TAFA1: variants seen among roughly 807,000 people sequenced by gnomAD.
The protein encoded by TAFA1 is TAFA chemokine like family member 1, also known as chemokine-like protein TAFA-1.
In TAFA1, 4 loss-of-function variants were observed where a neutral mutation model predicts 18.5. That is an observed-to-expected ratio of 0.22 (90% CI 0.11 to 0.49). The LOEUF (loss-of-function observed/expected upper bound fraction) is 0.49, where lower values mean the gene tolerates loss of function less well. TAFA1 is among the 20% of genes least tolerant of loss of function. The pLI, the probability that TAFA1 is intolerant of heterozygous loss-of-function variation, is 0.98. For synonymous variants in TAFA1, 56 were observed against 55.2 expected (o/e 1.01, Z -0.06); for missense variants, 147 against 169.0 (o/e 0.87, Z 0.72).
chr3:68,371,492 C>T (rs1233152410), intron 2 of TAFA1, among the ~76,000 whole-genome samples: 1 of 152,036 alleles, frequency 6.6e-6, no homozygotes, highest in Non-Finnish European at 1.5e-5. Context: ...TATTCTGTTC[C>T]TGTGTTAGTT....
At chr3:68,542,149 G>A (rs1271934511) in intron 4 of TAFA1, among the ~76,000 whole-genome samples, 1 of 152,126 alleles carries the variant, frequency 6.6e-6, no homozygotes, top group Non-Finnish European at 1.5e-5. Flanking sequence ...AAGAGAGGAA[G>A]ACTCCTGGAT....
chr3:68,139,978 C>T (rs1302748065), intron 2 of TAFA1, among the ~76,000 whole-genome samples: 3 of 152,120 alleles, frequency 2.0e-5, no homozygotes, highest in Non-Finnish European at 4.4e-5. Context: ...GTTGTTAAGA[C>T]TAAATGAAAT....
intron 2 of TAFA1, among the ~76,000 whole-genome samples, chr3:68,248,735 G>T (rs1413260990): frequency 1.5e-5 from 2 of 136,944 alleles, no homozygotes; most frequent in Admixed American, 7.2e-5. Flanking sequence ...TGGGCGGGGG[G>T]CGGGGGGCGG....
intron 2 of TAFA1, among the ~76,000 whole-genome samples, chr3:68,074,912 G>A (rs2064805853): frequency 6.6e-6 from 1 of 152,178 alleles, no homozygotes; most frequent in Non-Finnish European, 1.5e-5. Flanking sequence ...TGAATTCTCT[G>A]AAATTGTTGC....
Position 68,370,486 on chromosome 3 carries a change from A to G in TAFA1, c.119-46794A>G, listed in dbSNP as rs1456901670. On this transcript the variant is annotated intron_variant, in intron 2 of 4. Coordinates refer to ENST00000478136, the MANE Select transcript of TAFA1 (RefSeq NM_213609.4). Reference sequence around the variant, plus strand: ...TGTGTGTGTGTGTATATATATATATATATATATATATATATATATATATAT... The same window carrying G: ...TGTGTGTGTGTGTATATATATATATGTATATATATATATATATATATATAT... Among the ~76,000 whole-genome samples the G allele has an allele frequency of 6.8e-3, 595 of 87,036 alleles. 6 individuals are homozygous for G. The highest frequency in any genetic ancestry group is 0.025 in the African/African-American group (558 of 22,080). The allele number at this position is 87,036 out of a possible 152,430, so 57.1% of individuals were successfully genotyped here.
intron 2 of TAFA1, among the ~76,000 whole-genome samples, chr3:68,311,174 C>T (rs998863980): frequency 6.6e-6 from 1 of 152,046 alleles, no homozygotes; most frequent in Admixed American, 6.6e-5. Context: ...AGACCTACTC[C>T]CCACTGCCAT....
intron 1 of TAFA1, 35 bp from the exon 2 acceptor site, chr3:68,006,589 C>T (rs553758906): frequency 2.2e-5 from 33 of 1,471,752 alleles, no homozygotes; most frequent in Non-Finnish European, 3.0e-5. Flanking sequence ...GGCTTGAAGC[C>T]GGAGGTAACC....
intron 2 of TAFA1, among the ~76,000 whole-genome samples, chr3:68,100,118 C>A (rs1404849544): frequency 6.6e-6 from 1 of 151,984 alleles, no homozygotes; most frequent in East Asian, 1.9e-4. Flanking sequence ...ACCCAGGAAA[C>A]AAACCTCCAC....
intron 2 of TAFA1, among the ~76,000 whole-genome samples, chr3:68,083,510 C>G (rs2064931023): frequency 6.6e-6 from 1 of 152,170 alleles, no homozygotes; most frequent in Non-Finnish European, 1.5e-5. Context: ...TAATTTAGCT[C>G]ATTTAGTGGC....
intron 2 of TAFA1, among the ~76,000 whole-genome samples, chr3:68,261,139 A>G (rs2067412629): frequency 6.6e-6 from 1 of 152,194 alleles, no homozygotes; most frequent in South Asian, 2.1e-4. Context: ...GAAGACATTT[A>G]TGCATCCAAA....
At chr3:68,196,938 C>A (rs1321966002) in intron 2 of TAFA1, among the ~76,000 whole-genome samples, 5 of 151,784 alleles carry the variant, frequency 3.3e-5, no homozygotes, top group African/African-American at 1.2e-4. Flanking sequence ...TCTCTGCCAA[C>A]TGCATGGAAT....
At chr3:68,498,419 C>T (rs1189970838) in intron 3 of TAFA1, among the ~76,000 whole-genome samples, 1 of 152,078 alleles carries the variant, frequency 6.6e-6, no homozygotes, top group Non-Finnish European at 1.5e-5. Flanking sequence ...TAAACGTAAG[C>T]TGGGGGCTAA....
intron 2 of TAFA1, among the ~76,000 whole-genome samples, chr3:68,126,880 G>A (rs2065470963): frequency 6.6e-6 from 1 of 152,150 alleles, no homozygotes; most frequent in Non-Finnish European, 1.5e-5. Context: ...AATACACAAA[G>A]GTGATCTGCA....
At chr3:68,447,887 C>A (rs1182548673) in intron 3 of TAFA1, among the ~76,000 whole-genome samples, 2 of 152,152 alleles carry the variant, frequency 1.3e-5, no homozygotes, top group Non-Finnish European at 2.9e-5. Context: ...GCACGACTTG[C>A]CAGATATGGA....
intron 2 of TAFA1, among the ~76,000 whole-genome samples, chr3:68,394,792 A>G (rs1559649861): frequency 6.6e-6 from 1 of 152,212 alleles, no homozygotes; most frequent in African/African-American, 2.4e-5. Flanking sequence ...TTATACAAAA[A>G]ATAACTCAAG....
At chr3:68,534,214 G>A (rs1406542602) in intron 3 of TAFA1, among the ~76,000 whole-genome samples, 4 of 152,094 alleles carry the variant, frequency 2.6e-5, no homozygotes, top group Non-Finnish European at 5.9e-5. Flanking sequence ...TTGACTGAGG[G>A]TCTGACACCT....
chr3:68,045,526 G>T (rs577325765), intron 2 of TAFA1, among the ~76,000 whole-genome samples: 1 of 152,224 alleles, frequency 6.6e-6, no homozygotes, highest in East Asian at 1.9e-4. Flanking sequence ...GCCTTGGGAA[G>T]CTCCTCCTGT....
chr3:68,088,644 A>G (rs2064998724), intron 2 of TAFA1, among the ~76,000 whole-genome samples: 1 of 152,204 alleles, frequency 6.6e-6, no homozygotes. Context: ...CCTGTTATGA[A>G]TATTGATTCC....
upstream of TAFA1, among the ~76,000 whole-genome samples, chr3:68,000,407 A>T (rs1220251344): frequency 6.6e-6 from 1 of 152,204 alleles, no homozygotes; most frequent in Non-Finnish European, 1.5e-5. Flanking sequence ...CAATGACCTG[A>T]TCTTGTCTGG....
Sources: gnomAD v4.1 joint callset for allele counts (sites outside exome capture counted in the v4.1 genomes callset) on GRCh38, gnomAD v4.1.1 for gene constraint, MANE v1.5 for transcripts, NCBI Gene and HGNC (gene_info 2026-07-23, HGNC 2026-07-21) for gene names.